Variants in PFDN2 observed in about 807,000 individuals in gnomAD.
PFDN2 encodes prefoldin 2.
Under a neutral mutation model 18.3 loss-of-function variants are expected in PFDN2, and 7 were observed. The ratio of observed to expected loss-of-function variants is 0.38; its 90% CI spans 0.22 to 0.72. The LOEUF (loss-of-function observed/expected upper bound fraction) is 0.72, where lower values mean the gene tolerates loss of function less well. PFDN2 is among the 30% of genes least tolerant of loss of function. PFDN2 has a pLI of 0.47. For synonymous variants in PFDN2, 76 were observed against 75.0 expected, an observed-to-expected ratio of 1.01 and a Z score of -0.07; for missense variants, 181 against 199.1, an observed-to-expected ratio of 0.91 and a Z score of 0.55.
chr1:161,105,741 G>T (rs778844392), intron 1 of PFDN2, among the ~76,000 whole-genome samples: 5 of 152,186 alleles, frequency 3.3e-5, no homozygotes, highest in Non-Finnish European at 7.3e-5. Context: ...TTACAGGCGT[G>T]AGCCACTGCA....
intron 1 of PFDN2, among the ~76,000 whole-genome samples, chr1:161,113,876 GT>G (rs1270306381): frequency 6.6e-6 from 1 of 152,208 alleles, no homozygotes; most frequent in Admixed American, 6.5e-5. Context: ...ATTTGCAGCA[GT>G]GATAAATCTT....
rs34132641 is a variant in PFDN2 at position 161,107,424 on chromosome 1, CAAAAAAAAA to C, written c.76-5058_76-5050del. 2.2e-4 allele frequency among the ~76,000 whole-genome samples: 15 copies of C among 68,310 alleles called. 1 individual carries two copies. In the Admixed American group the frequency reaches 2.6e-3, roughly 12 times the overall value. 44.8% of individuals were successfully genotyped at this position (68,310 alleles called of 152,430 possible). ...TGGCTGACAGAGCGAGACTCTGTCT[CAAAAAAAAA>C]AAAAAAAAAAAAAGCTTAACTAATC... On this transcript the variant is annotated intron_variant, in intron 1 of 3. Coordinates refer to ENST00000368010, the MANE Select transcript of PFDN2 (RefSeq NM_012394.4).
In PFDN2 at chr1:161,102,178, TAGG is replaced by T; in HGVS notation, c.165-10_165-8del. Reference sequence around the variant, plus strand: ...CAGTGTATCGATCACTAGGCTGGGATAGGAGAACAAGGCAGGACCTGAGGATTC... The same window carrying T: ...CAGTGTATCGATCACTAGGCTGGGATAGAACAAGGCAGGACCTGAGGATTC... On this transcript the variant is annotated splice_region_variant and splice_polypyrimidine_tract_variant and intron_variant, in intron 2 of 3. Transcript: ENST00000368010. 2 of 1,614,190 alleles carry T rather than the reference TAGG, an allele frequency of 1.2e-6. No individual in the cohort carries two copies. The highest frequency in any genetic ancestry group is 8.5e-7 in the Non-Finnish European group (1 of 1,180,016).
chr1:161,109,453 ATTCTT>A (rs1443524725), intron 1 of PFDN2, among the ~76,000 whole-genome samples: 1 of 152,172 alleles, frequency 6.6e-6, no homozygotes, highest in African/African-American at 2.4e-5. Context: ...ACTGCCTTCT[ATTCTT>A]TATCTTCTTT....
At chr1:161,107,111 C>G (rs1443236422) in intron 1 of PFDN2, among the ~76,000 whole-genome samples, 1 of 152,184 alleles carries the variant, frequency 6.6e-6, no homozygotes, top group African/African-American at 2.4e-5. Context: ...GGCCCATACC[C>G]TATTGATATA....
At position 161,117,997 on chromosome 1, in the gene PFDN2, C is replaced by G. The variant is rs777770359; in HGVS notation, c.30G>C (p.Lys10Asn). MAENSGRAG[K>N]SSGSGAGKGA... ...CCTTCCCCGCGCCGCTCCCGCTGCTCTTGCCGGCGCGACCGCTGTTCTCCG... is the reference window on the plus strand; with the variant it reads ...CCTTCCCCGCGCCGCTCCCGCTGCTGTTGCCGGCGCGACCGCTGTTCTCCG... The change falls in exon 1 of 4, where the codon AAG (lysine) becomes AAC (asparagine). Residue 10 changes from lysine (K) to asparagine (N), a missense_variant. Transcript: ENST00000368010. The G allele has an allele frequency of 1.2e-6, 2 of 1,612,504 alleles. No individual in the cohort carries two copies. Among genetic ancestry groups the G allele is most frequent in the East Asian group, 2.2e-5 (1 of 44,860 alleles).
At chr1:161,117,422 G>A (rs1028420906) in intron 1 of PFDN2, among the ~76,000 whole-genome samples, 1 of 152,172 alleles carries the variant, frequency 6.6e-6, no homozygotes, top group African/African-American at 2.4e-5. Context: ...GATTAGAAAG[G>A]GGTTTCTGGT....
At chr1:161,101,796 C>G (rs1312125964) in intron 3 of PFDN2, among the ~76,000 whole-genome samples, 1 of 152,210 alleles carries the variant, frequency 6.6e-6, no homozygotes, top group Admixed American at 6.5e-5. Context: ...CTCTGTCACC[C>G]AGGCTGGAGT....
intron 1 of PFDN2, 63 bp downstream of exon 1, chr1:161,117,888 TC>T: frequency 7.2e-7 from 1 of 1,381,922 alleles, no homozygotes; most frequent in Non-Finnish European, 1.0e-6. Flanking sequence ...AGCCACAGGC[TC>T]CCCCTTCTCG....
chr1:161,101,345 G>A (rs1462045077), intron 3 of PFDN2, among the ~76,000 whole-genome samples: 2 of 151,594 alleles, frequency 1.3e-5, no homozygotes, highest in Non-Finnish European at 2.9e-5. Context: ...GACCACAGGC[G>A]CCCACCACAA....
At chr1:161,102,413 G>A (rs768967420) in intron 1 of PFDN2, 38 bp from the exon 2 acceptor site, 2 of 1,517,354 alleles carry the variant, frequency 1.3e-6, no homozygotes, top group Non-Finnish European at 1.8e-6. Context: ...AGGGGATAGT[G>A]GAAATGGCAG....
intron 1 of PFDN2, among the ~76,000 whole-genome samples, chr1:161,116,072 T>A (rs2101708651): frequency 6.6e-6 from 1 of 151,678 alleles, no homozygotes; most frequent in Middle Eastern, 3.4e-3. Context: ...AAAAAAACAA[T>A]TTTTAATTAG....
Position 161,107,154 on chromosome 1 carries a change from G to A in PFDN2, c.76-4779C>T, listed in dbSNP as rs183992888. Among the ~76,000 whole-genome samples the A allele has an allele frequency of 2.9e-4, 44 of 152,328 alleles. 1 individual carries two copies. The highest frequency in any genetic ancestry group is 3.4e-3 in the Middle Eastern group (1 of 294). ...AAACTGCTTAACTAGGGCCGGGCAT[G>A]ATGGCTCACGCCTGTAATCCCAGCA... is the stretch of plus-strand genomic sequence containing the variant. On this transcript the variant is annotated intron_variant, in intron 1 of 3. Coordinates refer to ENST00000368010, the MANE Select transcript of PFDN2 (RefSeq NM_012394.4).
At position 161,100,630 on chromosome 1, in the gene PFDN2, A is replaced by C. The variant is rs1654532689; in HGVS notation, c.*53T>G. The C allele has an allele frequency of 8.5e-7, 1 of 1,174,868 alleles. No homozygotes were observed. The highest frequency in any genetic ancestry group is 1.2e-6 in the Non-Finnish European group (1 of 830,658). 72.8% of individuals were successfully genotyped at this position (1,174,868 alleles called of 1,614,324 possible). A position where few individuals can be genotyped will look rare whatever the true frequency, so the allele number is the denominator to read the frequency against. Reference sequence around the variant, plus strand: ...GAGAAAATAATAATAATAACAATAAAGAGAAATTAGAAGTGGGAGTCAGGG... The same window carrying C: ...GAGAAAATAATAATAATAACAATAACGAGAAATTAGAAGTGGGAGTCAGGG... On this transcript the variant is annotated 3_prime_UTR_variant, in exon 4 of 4. Coordinates refer to ENST00000368010, the MANE Select transcript of PFDN2 (RefSeq NM_012394.4).
intron 1 of PFDN2, 73 bp downstream of exon 1, chr1:161,117,879 G>T: frequency 2.2e-6 from 3 of 1,337,008 alleles, no homozygotes; most frequent in South Asian, 1.3e-5. Context: ...GCCTGCACAA[G>T]CCACAGGCTC....
At chr1:161,102,581 T>C (rs1265656159) in intron 1 of PFDN2, among the ~76,000 whole-genome samples, 2 of 152,146 alleles carry the variant, frequency 1.3e-5, no homozygotes, top group Non-Finnish European at 2.9e-5. Context: ...TTTGAGATAT[T>C]TGAGGGCCCA....
rs759715384 is a variant in PFDN2 at position 161,100,855 on chromosome 1, T to C, written c.293A>G (p.Gln98Arg). The change falls in exon 4 of 4, where the codon CAG (glutamine) becomes CGG (arginine). Residue 98 changes from glutamine (Q) to arginine (R), a missense_variant. Coordinates refer to ENST00000368010, the MANE Select transcript of PFDN2 (RefSeq NM_012394.4). The stretch of plus-strand genomic sequence containing the variant: ...CTGTGTCAGTGTCTCAATGATCTTC[T>C]GTATCTAGAGGACAAGTGACAGGGA... Reference protein sequence around the residue: ...PALENNKEQIQKIIETLTQQL... With the variant: ...PALENNKEQIRKIIETLTQQL... 3.1e-6 allele frequency: 5 copies of C among 1,611,700 alleles called. No homozygotes were observed. The highest frequency in any genetic ancestry group is 1.3e-5 in the African/African-American group (1 of 74,862).
intron 1 of PFDN2, among the ~76,000 whole-genome samples, chr1:161,109,985 C>T (rs1028152821): frequency 6.6e-6 from 1 of 151,832 alleles, no homozygotes; most frequent in African/African-American, 2.4e-5. Flanking sequence ...ACCTGGGAGG[C>T]GGAAGTTGCA....
At chr1:161,113,866 A>C (rs1432319998) in intron 1 of PFDN2, among the ~76,000 whole-genome samples, 1 of 152,210 alleles carries the variant, frequency 6.6e-6, no homozygotes, top group East Asian at 1.9e-4. Flanking sequence ...TGTGGCTCAA[A>C]TTTGCAGCAG....
Sources: allele counts gnomAD v4.1 joint callset (sites outside exome capture counted in the v4.1 genomes callset), GRCh38; gene constraint gnomAD v4.1.1; transcripts MANE v1.5; gene names NCBI Gene and HGNC (gene_info 2026-07-23, HGNC 2026-07-21).